CPXM2: variants seen among roughly 807,000 people sequenced by gnomAD.
CPXM2 encodes the protein inactive carboxypeptidase-like protein X2.
CPXM2 carries 66 observed loss-of-function variants against 86.1 expected under a neutral mutation model. The observed-to-expected ratio is 0.77, with a 90% CI of 0.63 to 0.94. The LOEUF is 0.94. Among genes scored for constraint, CPXM2 ranks in the 40% least tolerant of loss-of-function variants. CPXM2 has a pLI of 0.00. For synonymous variants in CPXM2, 388 were observed against 400.2 expected, an observed-to-expected ratio of 0.97 and a Z score of 0.36; for missense variants, 948 against 1,026.3, an observed-to-expected ratio of 0.92 and a Z score of 1.04.
At chr10:123,857,786 G>A (rs1017116581) in intron 3 of CPXM2, among the ~76,000 whole-genome samples, 1 of 152,228 alleles carries the variant, frequency 6.6e-6, no homozygotes, top group Non-Finnish European at 1.5e-5. Flanking sequence ...AGGGCACCAC[G>A]CACGGGACTC....
At chr10:123,870,565 G>A (rs118005066) in intron 2 of CPXM2, among the ~76,000 whole-genome samples, 3,063 of 152,324 alleles carry the variant, frequency 0.02, 48 homozygotes, top group Middle Eastern at 0.037. Context: ...CCAGCACACT[G>A]AAAATCTGTC....
intron 4 of CPXM2, among the ~76,000 whole-genome samples, chr10:123,816,696 G>C (rs1436642578): frequency 6.6e-6 from 1 of 152,210 alleles, no homozygotes; most frequent in Non-Finnish European, 1.5e-5. Flanking sequence ...CTCCATTCCT[G>C]TCCATAAGGC....
At chr10:123,927,693 T>C (rs551843258) in intron 2 of CPXM2, among the ~76,000 whole-genome samples, 4 of 152,332 alleles carry the variant, frequency 2.6e-5, no homozygotes, top group African/African-American at 9.6e-5. Context: ...TTAACAACTA[T>C]TCTCATTGGC....
rs750826613 is a variant in CPXM2, at chr10:123,761,946, C to G, written c.1703G>C (p.Arg568Thr). 2.0e-5 allele frequency: 32 copies of G among 1,613,734 alleles called. No individual in the cohort carries two copies. The highest frequency in any genetic ancestry group is 2.2e-5 in the East Asian group (1 of 44,880). The change falls in exon 11 of 14, where the codon AGG becomes ACG. Residue 568 changes from arginine (R) to threonine (T), a missense_variant. Arg to Thr is a moderately conservative substitution (Grantham distance 71). Transcript: ENST00000241305. ...THRLMTDARR[R>T]VCHTEDFQKE... The stretch of plus-strand genomic sequence containing the variant: ...CTGGAAGTCCTCCGTGTGGCACACC[C>G]TCCTCCGGGCGTCTGTCATGAGGCG...
chr10:123,757,157 G>A lies in CPXM2; in HGVS notation c.1917+56C>T, dbSNP rs547250396. The stretch of plus-strand genomic sequence containing the variant: ...TCCATCCCATACTTTCAGCCACCTC[G>A]GCAGCCTCATCCCCCAGCTAGTCCC... On this transcript the variant is annotated intron_variant, in intron 12 of 13. Coordinates refer to ENST00000241305, the MANE Select transcript of CPXM2 (RefSeq NM_198148.3). 126 of 1,543,568 alleles carry A rather than the reference G, an allele frequency of 8.2e-5. 2 individuals carry two copies. The South Asian group carries it at 1.1e-3, about 13-fold the overall frequency.
At chr10:123,935,209 A>G (rs551472841) in intron 2 of CPXM2, among the ~76,000 whole-genome samples, 2 of 152,346 alleles carry the variant, frequency 1.3e-5, no homozygotes, top group African/African-American at 4.8e-5. Flanking sequence ...AGAGAGGAGT[A>G]AAAAAGCAGC....
chr10:123,887,076 A>T (rs530903876), intron 1 of CPXM2: 32 of 152,356 alleles, frequency 2.1e-4, no homozygotes, highest in African/African-American at 7.5e-4. Flanking sequence ...TCAATTCGAA[A>T]CAGCTAAATA....
chr10:123,832,952 A>C (rs1158786752), intron 4 of CPXM2, among the ~76,000 whole-genome samples: 1 of 152,014 alleles, frequency 6.6e-6, no homozygotes, highest in Non-Finnish European at 1.5e-5. Flanking sequence ...CCGCCATGGG[A>C]GGAGGACACA....
chr10:123,906,053 G>T (rs575227302), intron 2 of CPXM2, among the ~76,000 whole-genome samples: 38 of 152,254 alleles, frequency 2.5e-4, no homozygotes, highest in Non-Finnish European at 4.6e-4. Context: ...CACATGGCCC[G>T]CACCTTTGCT....
At chr10:123,880,816 G>A (rs1326780550) in intron 1 of CPXM2, among the ~76,000 whole-genome samples, 3 of 104,390 alleles carry the variant, frequency 2.9e-5, no homozygotes, top group Non-Finnish European at 3.6e-5. Flanking sequence ...GTGACAGAGC[G>A]AGATTCCGTC....
intron 4 of CPXM2, among the ~76,000 whole-genome samples, chr10:123,808,877 T>C (rs139056400): frequency 6.6e-6 from 1 of 152,282 alleles, no homozygotes; most frequent in East Asian, 1.9e-4. Context: ...TCAGATGCCT[T>C]TGGAAGCACT....
chr10:123,771,925 T>C (rs997856742), intron 7 of CPXM2, among the ~76,000 whole-genome samples: 10 of 152,176 alleles, frequency 6.6e-5, no homozygotes, highest in Admixed American at 6.5e-4. Context: ...TTATCAGCCA[T>C]GCAGAATTCT....
chr10:123,854,375 A>T (rs541188107), intron 3 of CPXM2, among the ~76,000 whole-genome samples: 2 of 84,010 alleles, frequency 2.4e-5, no homozygotes, highest in African/African-American at 4.9e-5. Context: ...TATATATATA[A>T]TATATATATA....
At chr10:123,883,654 C>T (rs1373955889) in intron 1 of CPXM2, among the ~76,000 whole-genome samples, 1 of 152,156 alleles carries the variant, frequency 6.6e-6, no homozygotes, top group Non-Finnish European at 1.5e-5. Context: ...CACATAGATT[C>T]TAACAGGGTC....
intron 2 of CPXM2, among the ~76,000 whole-genome samples, chr10:123,864,318 G>A (rs879666528): frequency 3.3e-5 from 5 of 151,314 alleles, no homozygotes; most frequent in Non-Finnish European, 5.9e-5. Flanking sequence ...TCTGTCAGGC[G>A]ATTCCTGGTG....
intron 10 of CPXM2, 110 bp from the exon 11 acceptor site, chr10:123,762,279 G>T: frequency 6.8e-7 from 1 of 1,464,344 alleles, no homozygotes. Context: ...AATAATCTTA[G>T]TAAAGTTCAG....
chr10:123,782,061 T>C (rs1380711700), intron 6 of CPXM2, among the ~76,000 whole-genome samples: 2 of 152,142 alleles, frequency 1.3e-5, no homozygotes, highest in Non-Finnish European at 2.9e-5. Flanking sequence ...CGAAGGGAAA[T>C]AATGTAGGAG....
At chr10:123,835,613 A>G (rs872304) in intron 4 of CPXM2, among the ~76,000 whole-genome samples, 1 of 152,098 alleles carries the variant, frequency 6.6e-6, no homozygotes, top group African/African-American at 2.4e-5. Flanking sequence ...CCCCAGCCCC[A>G]CATAGGTGCC....
intron 4 of CPXM2, among the ~76,000 whole-genome samples, chr10:123,827,729 T>C (rs1156419792): frequency 1.3e-5 from 2 of 152,104 alleles, no homozygotes; most frequent in Non-Finnish European, 2.9e-5. Context: ...AAAATTAATA[T>C]AGAAAAGCAA....
Sources: gnomAD v4.1 joint callset for allele counts (sites outside exome capture counted in the v4.1 genomes callset) on GRCh38, gnomAD v4.1.1 for gene constraint, MANE v1.5 for transcripts, NCBI Gene and HGNC (gene_info 2026-07-23, HGNC 2026-07-21) for gene names.